C2orf80: variants seen among roughly 807,000 people sequenced by gnomAD.
C2orf80 encodes the protein chromosome 2 open reading frame 80.
Under a neutral mutation model 30.2 loss-of-function variants are expected in C2orf80, and 28 were observed. That is an observed-to-expected ratio of 0.93 (90% CI 0.69 to 1.27). The LOEUF (loss-of-function observed/expected upper bound fraction) is 1.27, where lower values mean the gene tolerates loss of function less well. Ranked by LOEUF, C2orf80 falls within the 50% of genes most tolerant of loss-of-function variation. C2orf80 has a pLI of 0.00. For missense variants in C2orf80, 220 were observed against 231.0 expected, an observed-to-expected ratio of 0.95 and a Z score of 0.31; for synonymous variants, 80 against 76.4, an observed-to-expected ratio of 1.05 and a Z score of -0.24.
intron 7 of C2orf80, 65 bp downstream of exon 7, chr2:208,171,923 G>C (rs2105894335): frequency 7.5e-7 from 1 of 1,332,386 alleles, no homozygotes; most frequent in East Asian, 2.3e-5. Context: ...TACCTGGTGA[G>C]CCTACTTCCT....
chr2:208,169,635 C>A (rs1412123432), intron 8 of C2orf80, among the ~76,000 whole-genome samples: 1 of 149,034 alleles, frequency 6.7e-6, no homozygotes, highest in African/African-American at 2.5e-5. Flanking sequence ...ATCGCTTGAA[C>A]TCGGGAAGTG....
intron 6 of C2orf80, among the ~76,000 whole-genome samples, chr2:208,175,099 C>T (rs1446923268): frequency 2.0e-5 from 3 of 151,846 alleles, no homozygotes; most frequent in Admixed American, 6.6e-5. Context: ...GCCCTGCCAA[C>T]GTGGCAAAAC....
chr2:208,183,203 A>AT (rs71036988), intron 3 of C2orf80, among the ~76,000 whole-genome samples, 156 bp from the exon 4 acceptor site: 18,168 of 145,462 alleles, frequency 0.12, 1,659 homozygotes, highest in African/African-American at 0.25. Flanking sequence ...GCTCGGCCAG[A>AT]TTTTTTTTTT....
chr2:208,189,913 G>A (rs1001995870), intron 1 of C2orf80, 40 bp downstream of exon 1: 4 of 702,798 alleles, frequency 5.7e-6, no homozygotes, highest in South Asian at 1.5e-5. Context: ...GTTCTATTAA[G>A]TGCCTGCTCT....
At chr2:208,175,217 G>A (rs902231052) in intron 6 of C2orf80, among the ~76,000 whole-genome samples, 4 of 95,828 alleles carry the variant, frequency 4.2e-5, no homozygotes, top group African/African-American at 2.8e-4. Context: ...ACCCCGGGGG[G>A]GGGGGGGGCG....
At chr2:208,176,186 T>C in intron 6 of C2orf80, among the ~76,000 whole-genome samples, 1 of 152,218 alleles carries the variant, frequency 6.6e-6, no homozygotes, top group East Asian at 1.9e-4. Context: ...AGAGACATTT[T>C]TTTTTTTGAG....
In C2orf80 at chr2:208,180,725, C is replaced by A. The variant is rs564415172; in HGVS notation, c.366+20G>T. 6.3e-7 allele frequency: 1 copy of A among 1,597,252 alleles called. No individual in the cohort carries two copies. The highest frequency in any genetic ancestry group is 1.7e-5 in the Admixed American group (1 of 58,070). ...TATCTCTAAAAATCCCTTCTATTGACAATCCCAGGTCACCCTTACCTTGAT... is the reference window on the plus strand; with the variant it reads ...TATCTCTAAAAATCCCTTCTATTGAAAATCCCAGGTCACCCTTACCTTGAT... On this transcript the variant is annotated intron_variant, in intron 6 of 8. Coordinates refer to ENST00000341287, the MANE Select transcript of C2orf80 (RefSeq NM_001099334.3).
At chr2:208,180,000 G>T (rs574568221) in intron 6 of C2orf80, among the ~76,000 whole-genome samples, 1 of 152,272 alleles carries the variant, frequency 6.6e-6, no homozygotes, top group South Asian at 2.1e-4. Flanking sequence ...TTGTGGGAAA[G>T]GAAGATGTAT....
chr2:208,176,964 TGTATA>T (rs1559340606), intron 6 of C2orf80, among the ~76,000 whole-genome samples: 10 of 65,426 alleles, frequency 1.5e-4, no homozygotes, highest in African/African-American at 4.3e-4. Flanking sequence ...TGTATACATA[TGTATA>T]CATATATACA....
chr2:208,185,194 A>G (rs1034066001), intron 2 of C2orf80, among the ~76,000 whole-genome samples, 162 bp from the exon 3 acceptor site: 6 of 152,140 alleles, frequency 3.9e-5, no homozygotes, highest in African/African-American at 9.7e-5. Context: ...TTACACGACA[A>G]TTCTACAATG....
At chr2:208,186,038 C>T (rs1696708995) in intron 2 of C2orf80, among the ~76,000 whole-genome samples, 1 of 152,064 alleles carries the variant, frequency 6.6e-6, no homozygotes, top group African/African-American at 2.4e-5. Flanking sequence ...TCCCTTCTTC[C>T]TTTTGGGTCA....
At chr2:208,189,254 CA>C in intron 1 of C2orf80, among the ~76,000 whole-genome samples, 1 of 152,298 alleles carries the variant, frequency 6.6e-6, no homozygotes, top group East Asian at 1.9e-4. Context: ...CTTTGAGTTT[CA>C]GATTTACAAG....
intron 1 of C2orf80, 184 bp downstream of exon 1, chr2:208,189,769 T>TA (rs1319939820): frequency 1.2e-5 from 7 of 608,362 alleles, no homozygotes; most frequent in South Asian, 2.0e-5. Flanking sequence ...AGGCTTTAGC[T>TA]GTTTCATAGA....
At chr2:208,167,053 A>G (rs1435618360) in intron 8 of C2orf80, among the ~76,000 whole-genome samples, 2 of 152,166 alleles carry the variant, frequency 1.3e-5, no homozygotes, top group East Asian at 1.9e-4. Context: ...ATGAAAAACT[A>G]AAAGCACAGA....
At chr2:208,180,383 A>T (rs1036489352) in intron 6 of C2orf80, among the ~76,000 whole-genome samples, 8 of 151,676 alleles carry the variant, frequency 5.3e-5, no homozygotes, top group Admixed American at 4.6e-4. Flanking sequence ...CCCAGGAGGC[A>T]GAAGTGCAGT....
In C2orf80 at chr2:208,184,999, A is replaced by G. The variant is rs1364811615; in HGVS notation, c.75T>C (p.Asn25=). The stretch of plus-strand genomic sequence containing the variant: ...GCCGTCTTCCTTTTGGGTCAAATTC[A>G]TTTTCCCGAAGTCTGATGCCAATAT... ...GDYIGIRLRE[N]EFDPKGRRQL... is the part of the protein sequence containing the mutation. Residue 25 remains asparagine (N), a synonymous_variant, in exon 3 of 9, where the codon AAT becomes AAC. Coordinates refer to ENST00000341287, the MANE Select transcript of C2orf80 (RefSeq NM_001099334.3). 6.2e-7 allele frequency: 1 copy of G among 1,613,786 alleles called. No individual in the cohort carries two copies. The highest frequency in any genetic ancestry group is 8.5e-7 in the Non-Finnish European group (1 of 1,179,900).
At chr2:208,187,957 C>T (rs1040646988) in intron 1 of C2orf80, among the ~76,000 whole-genome samples, 1 of 152,116 alleles carries the variant, frequency 6.6e-6, no homozygotes, top group African/African-American at 2.4e-5. Context: ...CAAACTGCAA[C>T]TCTTCCCTGA....
At chr2:208,188,852 G>C (rs1160504307) in intron 1 of C2orf80, among the ~76,000 whole-genome samples, 1 of 152,146 alleles carries the variant, frequency 6.6e-6, no homozygotes, top group African/African-American at 2.4e-5. Context: ...CATTTCACAG[G>C]AAATTGATTA....
At chr2:208,176,377 T>C (rs899022517) in intron 6 of C2orf80, among the ~76,000 whole-genome samples, 2 of 152,216 alleles carry the variant, frequency 1.3e-5, no homozygotes, top group Non-Finnish European at 2.9e-5. Flanking sequence ...GGTTTCACCA[T>C]GTTGGCCAGG....
Sources: allele counts gnomAD v4.1 joint callset (sites outside exome capture counted in the v4.1 genomes callset), GRCh38; gene constraint gnomAD v4.1.1; transcripts MANE v1.5; gene names NCBI Gene and HGNC (gene_info 2026-07-23, HGNC 2026-07-21).